Variants in HIRA observed in about 807,000 individuals in gnomAD.
The protein encoded by HIRA is protein HIRA.
In HIRA, 13 loss-of-function variants were observed where a neutral mutation model predicts 126.6. The observed-to-expected ratio is 0.10, with a 90% CI of 0.07 to 0.16. The LOEUF (loss-of-function observed/expected upper bound fraction) is 0.16, where lower values mean the gene tolerates loss of function less well. HIRA is among the 10% of genes least tolerant of loss of function. The probability of loss-of-function intolerance (pLI) is 1.00; values close to 1 mark genes in which losing one functional copy is unlikely to be tolerated. For synonymous variants in HIRA, 511 were observed against 520.0 expected (o/e 0.98, Z 0.24); for missense variants, 834 against 1,314.4 (o/e 0.63, Z 5.65).
At chr22:19,389,367 C>T (rs2089156475) in intron 9 of HIRA, among the ~76,000 whole-genome samples, 1 of 152,168 alleles carries the variant, frequency 6.6e-6, no homozygotes, top group Non-Finnish European at 1.5e-5. Context: ...AAGTGCCTGG[C>T]TACCCTGCTG....
chr22:19,431,467 G>C lies in HIRA; in HGVS notation c.10C>G (p.Leu4Val), dbSNP rs1233792134. 6.2e-7 allele frequency: 1 copy of C among 1,606,718 alleles called. No individual in the cohort carries two copies. Among genetic ancestry groups the C allele is most frequent in the Non-Finnish European group, 8.5e-7 (1 of 1,177,946 alleles). The change falls in exon 1 of 25, where the codon CTG becomes GTG. Residue 4 changes from leucine to valine, a missense_variant. This residue lies in a region of HIRA where 102 missense variants were observed against 191.4 expected (regional missense o/e 0.53). Coordinates refer to ENST00000263208, the MANE Select transcript of HIRA (RefSeq NM_003325.4). ...TTGTGGTTGACCCAGGTCGGCTTCA[G>C]GAGCTTCATTGTTCGGCCGCCGCCG... Reference protein sequence around the residue: MKLLKPTWVNHNGK... With the variant: MKLVKPTWVNHNGK...
intron 1 of HIRA, among the ~76,000 whole-genome samples, chr22:19,412,172 G>A (rs898619664): frequency 1.3e-5 from 2 of 152,166 alleles, no homozygotes; most frequent in Non-Finnish European, 2.9e-5. Flanking sequence ...GAGAAACCTA[G>A]TTGTCATGTG....
At chr22:19,420,542 G>A (rs1332127977) in intron 1 of HIRA, among the ~76,000 whole-genome samples, 5 of 148,632 alleles carry the variant, frequency 3.4e-5, no homozygotes, top group East Asian at 2.0e-4. Flanking sequence ...AAGTTTTGAC[G>A]AAAGGCATTT....
chr22:19,394,222 AC>A (rs1358034317), intron 8 of HIRA, 119 bp downstream of exon 8: 21 of 1,217,712 alleles, frequency 1.7e-5, no homozygotes, highest in Non-Finnish European at 2.4e-5. Context: ...TCAACCAAGT[AC>A]ATACTCTATT....
At chr22:19,347,513 A>G (rs2088699963) in intron 24 of HIRA, among the ~76,000 whole-genome samples, 1 of 152,178 alleles carries the variant, frequency 6.6e-6, no homozygotes, top group African/African-American at 2.4e-5. Context: ...ATAGCAGCAA[A>G]CTTCTGAGAG....
At position 19,370,188 on chromosome 22, in the gene HIRA, G is replaced by A. The variant is rs904703726; in HGVS notation, c.1775+5443C>T. Among the ~76,000 whole-genome samples the A allele has an allele frequency of 2.1e-4, 32 of 152,002 alleles. 1 individual carries two copies. The highest frequency in any genetic ancestry group is 7.2e-4 in the African/African-American group (30 of 41,396). On this transcript the variant is annotated intron_variant, in intron 15 of 24. Coordinates refer to ENST00000263208, the MANE Select transcript of HIRA (RefSeq NM_003325.4). ...GGCTGGTCTCCAACTCCTAACCTCA[G>A]GTGATCTGCCCACCTCGGCCTCCCA... is the stretch of plus-strand genomic sequence containing the variant.
chr22:19,331,706 G>T, intron 24 of HIRA, 150 bp from the exon 25 acceptor site: 1 of 738,314 alleles, frequency 1.4e-6, no homozygotes. Flanking sequence ...AGAGAGCTGT[G>T]GGGCAAATGT....
At chr22:19,376,164 T>C (rs562723437) in intron 14 of HIRA, among the ~76,000 whole-genome samples, 2 of 152,236 alleles carry the variant, frequency 1.3e-5, no homozygotes, top group African/African-American at 4.8e-5. Flanking sequence ...CTTTCCCACT[T>C]TGACAATGAG....
intron 7 of HIRA, among the ~76,000 whole-genome samples, chr22:19,395,804 C>G (rs2089218975): frequency 6.6e-6 from 1 of 152,296 alleles, no homozygotes; most frequent in East Asian, 1.9e-4. Flanking sequence ...GAGACTCCAT[C>G]TCAATCCACT....
At chr22:19,399,140 G>C in intron 5 of HIRA, 1 of 985,384 alleles carries the variant, frequency 1.0e-6, no homozygotes, top group Non-Finnish European at 1.2e-6. Context: ...CTGCCATCAG[G>C]GGTGAAGGGC....
chr22:19,334,741 T>C (rs112044325), intron 24 of HIRA, among the ~76,000 whole-genome samples: 24 of 151,986 alleles, frequency 1.6e-4, no homozygotes, highest in African/African-American at 5.8e-4. Flanking sequence ...TTTTAAGCCA[T>C]TGTGTTATTA....
intron 5 of HIRA, among the ~76,000 whole-genome samples, chr22:19,402,885 C>T (rs573612651): frequency 7.2e-5 from 11 of 151,862 alleles, no homozygotes; most frequent in Admixed American, 2.0e-4. Flanking sequence ...GTGGGAGGAT[C>T]GCTTGAGCCC....
At chr22:19,339,980 AC>A (rs2088609121) in intron 24 of HIRA, among the ~76,000 whole-genome samples, 2 of 152,228 alleles carry the variant, frequency 1.3e-5, no homozygotes, top group Non-Finnish European at 2.9e-5. Flanking sequence ...TGAAGCTATT[AC>A]AAAAGACAGA....
At chr22:19,363,598 A>G (rs1218702047) in intron 15 of HIRA, among the ~76,000 whole-genome samples, 1 of 152,202 alleles carries the variant, frequency 6.6e-6, no homozygotes, top group Non-Finnish European at 1.5e-5. Flanking sequence ...AGAATTTTTA[A>G]GGCATTGAAA....
chr22:19,377,129 G>A (rs1175839447), intron 14 of HIRA, among the ~76,000 whole-genome samples: 1 of 152,144 alleles, frequency 6.6e-6, no homozygotes, highest in Non-Finnish European at 1.5e-5. Flanking sequence ...TACCCTCTGA[G>A]GCACCTCCCT....
At chr22:19,391,383 G>A (rs184226292) in intron 9 of HIRA, among the ~76,000 whole-genome samples, 2 of 152,232 alleles carry the variant, frequency 1.3e-5, no homozygotes, top group Admixed American at 6.5e-5. Flanking sequence ...ACAAAAAGGA[G>A]TGCTCTAGGC....
At chr22:19,420,787 C>A (rs890172574) in intron 1 of HIRA, among the ~76,000 whole-genome samples, 3 of 152,142 alleles carry the variant, frequency 2.0e-5, no homozygotes, top group Non-Finnish European at 4.4e-5. Context: ...GCCCAGACTT[C>A]ATCACTAAGC....
intron 7 of HIRA, among the ~76,000 whole-genome samples, chr22:19,396,202 A>G (rs1222061477): frequency 6.6e-6 from 1 of 152,222 alleles, no homozygotes; most frequent in Non-Finnish European, 1.5e-5. Flanking sequence ...GACATCTCTA[A>G]GGTTCACTTC....
intron 21 of HIRA, among the ~76,000 whole-genome samples, chr22:19,355,046 G>A (rs2088797738): frequency 6.6e-6 from 1 of 152,070 alleles, no homozygotes; most frequent in Non-Finnish European, 1.5e-5. Context: ...GGGATTACAG[G>A]TGTGAGCCAT....
Sources: gnomAD v4.1 joint callset for allele counts (sites outside exome capture counted in the v4.1 genomes callset) on GRCh38, gnomAD v4.1.1 for gene constraint, gnomAD v4.1.1 regional missense constraint, MANE v1.5 for transcripts, NCBI Gene and HGNC (gene_info 2026-07-23, HGNC 2026-07-21) for gene names.